The following USP49 variants were observed in gnomAD, a reference collection of about 807,000 sequenced individuals.
The protein encoded by USP49 is ubiquitin carboxyl-terminal hydrolase 49.
A neutral mutation model predicts 58.6 loss-of-function variants in USP49; 24 were observed. The observed-to-expected ratio is 0.41, with a 90% CI of 0.30 to 0.58. USP49 has a LOEUF of 0.58. USP49 is among the 20% of genes least tolerant of loss of function. USP49 has a pLI of 0.30. For missense variants in USP49, 703 were observed against 866.1 expected, an observed-to-expected ratio of 0.81 and a Z score of 2.36; for synonymous variants, 408 against 365.1, an observed-to-expected ratio of 1.12 and a Z score of -1.34.
At chr6:41,877,019 G>T (rs548210736) in intron 2 of USP49, among the ~76,000 whole-genome samples, 1 of 152,256 alleles carries the variant, frequency 6.6e-6, no homozygotes, top group South Asian at 2.1e-4. Context: ...CTAAAATTTT[G>T]TACATATCGC....
intron 3 of USP49, among the ~76,000 whole-genome samples, chr6:41,825,455 A>G (rs1243024612): frequency 6.6e-6 from 1 of 150,384 alleles, no homozygotes; most frequent in Non-Finnish European, 1.5e-5. Context: ...AAAAAAAAAG[A>G]TATGAGAACA....
rs1446907793 is a variant in USP49 at position 41,790,431 on chromosome 6, A to T, written c.*6102T>A. 1 of 152,222 alleles carries T rather than the reference A, an allele frequency of 6.6e-6. No homozygotes were observed. Among genetic ancestry groups the T allele is most frequent in the Non-Finnish European group, 1.5e-5 (1 of 68,046 alleles). The allele number at this position is 152,222 out of a possible 1,614,324, so 9.4% of individuals were successfully genotyped here. On this transcript the variant is annotated 3_prime_UTR_variant, in exon 8 of 8. Transcript: ENST00000682992. ...GAAATGGAGTATGTACGGAACTGGC[A>T]TGTATAGACTTATATAGCCATAGAA...
rs529940165 is a variant in USP49, at chr6:41,795,634, A to G, written c.*899T>C. Reference sequence around the variant, plus strand: ...AGTGAGAACGGGTGACAGGCCTTCAATAAGCCCTGGAGCATCAGCTATCTC... The same window carrying G: ...AGTGAGAACGGGTGACAGGCCTTCAGTAAGCCCTGGAGCATCAGCTATCTC... On this transcript the variant is annotated 3_prime_UTR_variant, in exon 8 of 8. Coordinates refer to ENST00000682992, the MANE Select transcript of USP49 (RefSeq NM_001286554.2). 1 of 152,366 alleles carries G rather than the reference A, an allele frequency of 6.6e-6. No homozygotes were observed. Among genetic ancestry groups the G allele is most frequent in the Admixed American group, 6.5e-5 (1 of 15,304 alleles). 9.4% of individuals were successfully genotyped at this position (152,366 alleles called of 1,614,324 possible). A position where few individuals can be genotyped will look rare whatever the true frequency, so the allele number is the denominator to read the frequency against.
chr6:41,881,088 A>T (rs938733388), intron 2 of USP49, among the ~76,000 whole-genome samples: 4 of 151,410 alleles, frequency 2.6e-5, no homozygotes, highest in Non-Finnish European at 5.9e-5. Flanking sequence ...GCCTGCCACC[A>T]CACCTGGATA....
chr6:41,835,852 T>C (rs545583612), intron 3 of USP49, among the ~76,000 whole-genome samples: 9 of 152,178 alleles, frequency 5.9e-5, no homozygotes, highest in Admixed American at 2.0e-4. Context: ...GGTGGGAGGA[T>C]TGCTTGAGTC....
chr6:41,801,411 G>A (rs995902006), intron 5 of USP49, among the ~76,000 whole-genome samples: 3 of 152,206 alleles, frequency 2.0e-5, no homozygotes, highest in Non-Finnish European at 4.4e-5. Context: ...GGATGTGGAG[G>A]TGTAACTTCT....
chr6:41,849,779 T>C (rs1358324989), intron 3 of USP49, among the ~76,000 whole-genome samples: 2 of 152,084 alleles, frequency 1.3e-5, no homozygotes, highest in Non-Finnish European at 2.9e-5. Context: ...AGCTAATTTT[T>C]TGTATTTTAG....
At chr6:41,864,494 C>T (rs1262372159) in intron 3 of USP49, among the ~76,000 whole-genome samples, 1 of 152,100 alleles carries the variant, frequency 6.6e-6, no homozygotes, top group Non-Finnish European at 1.5e-5. Flanking sequence ...ACCTGGGAGG[C>T]GGAGGTTGCC....
intron 3 of USP49, among the ~76,000 whole-genome samples, chr6:41,867,333 C>T (rs941318489): frequency 1.3e-5 from 2 of 152,186 alleles, no homozygotes; most frequent in African/African-American, 4.8e-5. Flanking sequence ...GATGAAAGAG[C>T]AATTTCCAAT....
chr6:41,804,825 C>G (rs766343190), intron 4 of USP49, among the ~76,000 whole-genome samples: 19 of 152,160 alleles, frequency 1.2e-4, no homozygotes, highest in Non-Finnish European at 2.4e-4. Flanking sequence ...CTCGGCTCAC[C>G]GCAACCTCCG....
chr6:41,831,168 G>A (rs745307221), intron 3 of USP49, among the ~76,000 whole-genome samples: 7 of 152,110 alleles, frequency 4.6e-5, no homozygotes, highest in Non-Finnish European at 1.0e-4. Context: ...GAGGCGGGCA[G>A]ATCACGAAGT....
At position 41,803,527 on chromosome 6, in the gene USP49, C is replaced by T. The variant is rs940892750; in HGVS notation, c.1561+279G>A. On this transcript the variant is annotated intron_variant, in intron 5 of 7. Transcript: ENST00000682992. The surrounding 1 kb of genome is among the most constrained non-coding windows in gnomAD (Gnocchi z 4.1). ...CCATGTTGGTCAGGCTGGTCTCAAA[C>T]TCCTGACCTCAAGTGATCTGTCCGC... is the stretch of plus-strand genomic sequence containing the variant. 1.3e-5 allele frequency among the ~76,000 whole-genome samples: 2 copies of T among 152,224 alleles called. No homozygotes were observed. Among genetic ancestry groups the T allele is most frequent in the Non-Finnish European group, 2.9e-5 (2 of 68,046 alleles).
At chr6:41,840,164 G>A (rs1773798720) in intron 3 of USP49, among the ~76,000 whole-genome samples, 1 of 151,716 alleles carries the variant, frequency 6.6e-6, no homozygotes, top group African/African-American at 2.4e-5. Flanking sequence ...CGTGAGGTCA[G>A]GAGAACAAGA....
chr6:41,813,295 T>A (rs1773290629), intron 3 of USP49, among the ~76,000 whole-genome samples: 1 of 152,170 alleles, frequency 6.6e-6, no homozygotes, highest in African/African-American at 2.4e-5. Context: ...CAAATCCCCA[T>A]TTTAGCCTTG....
At chr6:41,865,941 T>TTA (rs57951787) in intron 3 of USP49, among the ~76,000 whole-genome samples, 3 of 106,444 alleles carry the variant, frequency 2.8e-5, no homozygotes, top group African/African-American at 1.0e-4. Flanking sequence ...TTTTTTTTTT[T>TTA]AGACAGAGTC....
intron 5 of USP49, among the ~76,000 whole-genome samples, chr6:41,802,361 A>G (rs562564622): frequency 7.0e-6 from 1 of 143,482 alleles, no homozygotes; most frequent in South Asian, 2.2e-4. Flanking sequence ...TTCTTCAAAG[A>G]GCGGAACAGG....
intron 5 of USP49, among the ~76,000 whole-genome samples, chr6:41,800,481 G>C (rs955271363): frequency 6.6e-6 from 1 of 152,170 alleles, no homozygotes; most frequent in Non-Finnish European, 1.5e-5. Flanking sequence ...GCAACTTTGC[G>C]TATAATGGAA....
In USP49 at chr6:41,806,819, C is replaced by T. The variant is rs771251465; in HGVS notation, c.165G>A (p.Leu55=). ...ACGRYIEDHA[L]KHFEETGHPL... is the part of the protein sequence containing the mutation. ...GGTGTCCCGTCTCCTCAAAGTGTTT[C>T]AGGGCGTGGTCCTCAATATAGCGGC... The change falls in exon 4 of 8, where the codon CTG becomes CTA. Residue 55 remains leucine (L), a synonymous_variant. Transcript: ENST00000682992. This position sits in a 1 kb window ranked among gnomAD's most constrained non-coding sequence, Gnocchi z 5.9. 6 of 1,614,140 alleles carry T rather than the reference C, an allele frequency of 3.7e-6. No individual in the cohort carries two copies. The highest frequency in any genetic ancestry group is 1.1e-5 in the South Asian group (1 of 91,082).
Position 41,805,814 on chromosome 6 carries a change from A to T in USP49, c.1170T>A (p.Pro390=), listed in dbSNP as rs1374852063. The change falls in exon 4 of 8, where the codon CCT becomes CCA. Residue 390 remains proline (P), a synonymous_variant. Coordinates refer to ENST00000682992, the MANE Select transcript of USP49 (RefSeq NM_001286554.2). ...CCTGTTGGTCGTAGCCGCGGAAGGC[A>T]GGGATCAGGCTCCACACTGAGTGGA... ...AMLHSVWSLI[P]AFRGYDQQDA... is the part of the protein sequence containing the mutation. 1.2e-6 allele frequency: 2 copies of T among 1,614,106 alleles called. No individual in the cohort carries two copies. The highest frequency in any genetic ancestry group is 2.2e-5 in the South Asian group (2 of 91,080).
Sources: gnomAD v4.1 joint callset for allele counts (sites outside exome capture counted in the v4.1 genomes callset) on GRCh38, gnomAD v4.1.1 for gene constraint, Gnocchi (gnomAD v3.1) non-coding constraint, MANE v1.5 for transcripts, NCBI Gene and HGNC (gene_info 2026-07-23, HGNC 2026-07-21) for gene names.